The following PHTF2 variants were observed in gnomAD, a reference collection of about 807,000 sequenced individuals.
PHTF2 encodes protein PHTF2.
A neutral mutation model predicts 101.2 loss-of-function variants in PHTF2; 60 were observed. The ratio of observed to expected loss-of-function variants is 0.59; its 90% CI spans 0.48 to 0.73. The LOEUF is 0.73. Ranked by LOEUF, PHTF2 falls within the 30% of genes least tolerant of loss-of-function variation. PHTF2 has a pLI of 0.00. For missense variants in PHTF2, 747 were observed against 908.7 expected (o/e 0.82, Z 2.29); for synonymous variants, 311 against 307.3 (o/e 1.01, Z -0.13).
At chr7:77,821,113 T>G (rs1275805627) in intron 1 of PHTF2, among the ~76,000 whole-genome samples, 1 of 138,720 alleles carries the variant, frequency 7.2e-6, no homozygotes, top group Non-Finnish European at 1.5e-5. Flanking sequence ...GGATATAATA[T>G]TCTTGGATGG....
At chr7:77,865,842 G>T (rs1021560172) in intron 3 of PHTF2, among the ~76,000 whole-genome samples, 1 of 151,944 alleles carries the variant, frequency 6.6e-6, no homozygotes, top group African/African-American at 2.4e-5. Flanking sequence ...CAAGGGACTT[G>T]ATTTGAGTTG....
At chr7:77,878,199 G>A (rs938709229) in intron 3 of PHTF2, among the ~76,000 whole-genome samples, 1 of 152,042 alleles carries the variant, frequency 6.6e-6, no homozygotes, top group African/African-American at 2.4e-5. Context: ...TGGAGACTGG[G>A]TTTTGTTTTG....
intron 3 of PHTF2, among the ~76,000 whole-genome samples, chr7:77,855,200 C>T (rs1350721508): frequency 1.3e-5 from 2 of 152,218 alleles, no homozygotes; most frequent in Admixed American, 6.5e-5. Flanking sequence ...CATGCCATGG[C>T]TGCGTCCTTC....
At chr7:77,915,734 T>C (rs560861649) in intron 9 of PHTF2, among the ~76,000 whole-genome samples, 1 of 152,316 alleles carries the variant, frequency 6.6e-6, no homozygotes, top group South Asian at 2.1e-4. Context: ...TAGGGTTTTT[T>C]CCTTGCCAAG....
chr7:77,879,773 C>G (rs968544474), intron 3 of PHTF2, among the ~76,000 whole-genome samples: 3 of 151,976 alleles, frequency 2.0e-5, no homozygotes, highest in African/African-American at 7.3e-5. Context: ...TCTTATGTAT[C>G]TTATAGGAAA....
At chr7:77,818,868 C>T (rs1459692120) in intron 1 of PHTF2, among the ~76,000 whole-genome samples, 3 of 152,166 alleles carry the variant, frequency 2.0e-5, no homozygotes, top group African/African-American at 7.2e-5. Context: ...TTCTTCTGAT[C>T]CATATGCATG....
chr7:77,901,966 G>A (rs1801434394), intron 7 of PHTF2, 46 bp downstream of exon 6: 8 of 1,221,356 alleles, frequency 6.6e-6, no homozygotes, highest in Non-Finnish European at 9.0e-6. Context: ...ATGTTACATT[G>A]TTAGGTTTAA....
intron 3 of PHTF2, among the ~76,000 whole-genome samples, chr7:77,886,897 T>A (rs189778480): frequency 4.6e-5 from 7 of 151,940 alleles, no homozygotes; most frequent in Non-Finnish European, 7.4e-5. Flanking sequence ...CATAAAAATT[T>A]AGCTGAGCAA....
At chr7:77,893,411 G>A (rs1800612679) in intron 3 of PHTF2, among the ~76,000 whole-genome samples, 197 bp from the exon 3 acceptor site, 1 of 152,108 alleles carries the variant, frequency 6.6e-6, no homozygotes, top group African/African-American at 2.4e-5. Context: ...AAATTCCAAG[G>A]TGACGCTAGT....
intron 1 of PHTF2, among the ~76,000 whole-genome samples, chr7:77,818,013 G>T (rs893284189): frequency 6.6e-6 from 1 of 151,896 alleles, no homozygotes; most frequent in East Asian, 1.9e-4. Context: ...GGGAGGCTGA[G>T]GCAGGAGAAT....
chr7:77,909,344 A>G (rs1055442080), intron 8 of PHTF2: 3 of 155,996 alleles, frequency 1.9e-5, no homozygotes, highest in East Asian at 1.9e-4. Flanking sequence ...TGTATTTACT[A>G]AATGCTATTT....
intron 3 of PHTF2, among the ~76,000 whole-genome samples, chr7:77,892,079 C>T (rs1800477718): frequency 6.6e-6 from 1 of 152,160 alleles, no homozygotes; most frequent in Non-Finnish European, 1.5e-5. Flanking sequence ...AGATCGAGAC[C>T]ATCCTGGCTA....
At chr7:77,830,492 C>T (rs560549842) in intron 1 of PHTF2, among the ~76,000 whole-genome samples, 1 of 152,196 alleles carries the variant, frequency 6.6e-6, no homozygotes, top group Non-Finnish European at 1.5e-5. Context: ...CATCTGAGCT[C>T]TGCCTCCTGT....
chr7:77,871,916 C>T (rs989929879), intron 3 of PHTF2, among the ~76,000 whole-genome samples: 2 of 152,198 alleles, frequency 1.3e-5, no homozygotes, highest in Non-Finnish European at 2.9e-5. Context: ...TTGGCAGAAG[C>T]TTGCATGCAG....
chr7:77,954,791 T>G, intron 19 of PHTF2, 67 bp from the exon 19 acceptor site: 1 of 837,194 alleles, frequency 1.2e-6, no homozygotes, highest in Admixed American at 2.2e-5. Flanking sequence ...AAAATGGTGT[T>G]ATATGATATA....
At chr7:77,890,353 A>AT (rs772756206) in intron 3 of PHTF2, among the ~76,000 whole-genome samples, 17 of 152,088 alleles carry the variant, frequency 1.1e-4, no homozygotes, top group Non-Finnish European at 4.4e-5. Context: ...TCCATTTCTG[A>AT]TTTGGTCTAT....
intron 1 of PHTF2, among the ~76,000 whole-genome samples, chr7:77,836,946 C>T (rs937181896): frequency 7.3e-5 from 11 of 150,108 alleles, no homozygotes; most frequent in African/African-American, 2.5e-4. Context: ...GCACATGTAC[C>T]CCAAAACTTA....
chr7:77,912,008 G>A (rs111456002), intron 9 of PHTF2, among the ~76,000 whole-genome samples: 15 of 152,170 alleles, frequency 9.9e-5, no homozygotes, highest in African/African-American at 2.9e-4. Flanking sequence ...TCACTTTTTG[G>A]GAATCATTCT....
chr7:77,939,441 A>G lies in PHTF2; in HGVS notation c.1468-589A>G, dbSNP rs185075713. On this transcript the variant is annotated intron_variant, in intron 13 of 19. Transcript: ENST00000416283. Reference sequence around the variant, plus strand: ...AGCAACATAGTGAAACCCTGTCTTTACATCTCTACAAAACCCAAAAAATTA... The same window carrying G: ...AGCAACATAGTGAAACCCTGTCTTTGCATCTCTACAAAACCCAAAAAATTA... Among the ~76,000 whole-genome samples, 9 of 152,102 alleles carry G rather than the reference A, an allele frequency of 5.9e-5. No individual in the cohort carries two copies. The South Asian group carries it at 1.9e-3, about 32-fold the overall frequency.
Sources: gnomAD v4.1 joint callset for allele counts (sites outside exome capture counted in the v4.1 genomes callset) on GRCh38, gnomAD v4.1.1 for gene constraint, MANE v1.5 for transcripts, NCBI Gene and HGNC (gene_info 2026-07-23, HGNC 2026-07-21) for gene names.